The following TRMT112 variants were observed in gnomAD, a reference collection of about 807,000 sequenced individuals.
The protein encoded by TRMT112 is multifunctional methyltransferase subunit TRM112-like protein.
A neutral mutation model predicts 13.8 loss-of-function variants in TRMT112; 9 were observed. The ratio of observed to expected loss-of-function variants is 0.65; its 90% confidence interval spans 0.39 to 1.14. The LOEUF is 1.14. Among genes scored for constraint, TRMT112 ranks in the 50% most tolerant of loss-of-function variants. The probability of loss-of-function intolerance (pLI) is 0.01; values close to 1 mark genes in which losing one functional copy is unlikely to be tolerated. For synonymous variants in TRMT112, 64 were observed against 67.0 expected (o/e 0.96, Z 0.22); for missense variants, 196 against 165.5 (o/e 1.18, Z -1.01).
upstream of TRMT112, chr11:64,318,320 A>C: frequency 2.5e-6 from 4 of 1,612,590 alleles, no homozygotes; most frequent in Non-Finnish European, 3.4e-6. Flanking sequence ...GGTACAGTGA[A>C]GGAGAGTGGG....
intron 2 of TRMT112, 30 bp downstream of exon 2, chr11:64,317,234 G>A: frequency 1.2e-6 from 2 of 1,608,068 alleles, no homozygotes; most frequent in Non-Finnish European, 1.7e-6. Context: ...CATTCCCCGG[G>A]ATATGCTGGG....
rs1432653910 is a variant in TRMT112 at position 64,317,135 on chromosome 11, G to C, written c.193C>G (p.Gln65Glu). 10 of 1,614,150 alleles carry C rather than the reference G, an allele frequency of 6.2e-6. No homozygotes were observed. Among genetic ancestry groups the C allele is most frequent in the Non-Finnish European group, 8.5e-6 (10 of 1,180,030 alleles). ...LEAADNLRLIQVPKGPVEGYE... is the reference protein window; with the variant it reads ...LEAADNLRLIEVPKGPVEGYE... The stretch of plus-strand genomic sequence containing the variant: ...CCCTCAACCGGCCCTTTCGGCACCT[G>C]GATCAGACGCAACTGTGGGCAAGAG... Residue 65 changes from glutamine (Q) to glutamate (E), a missense_variant, in exon 3 of 4, where the codon CAG (glutamine) becomes GAG (glutamate). Coordinates refer to ENST00000544844, the MANE Select transcript of TRMT112 (RefSeq NM_016404.3).
At chr11:64,317,820 A>C (rs183123201), upstream of TRMT112, 10 of 815,600 alleles carry the variant, frequency 1.2e-5, no homozygotes, top group Admixed American at 7.2e-5. Context: ...GCAATGCAGG[A>C]GCTCTCGTTG....
upstream of TRMT112, chr11:64,318,225 G>C: frequency 1.2e-6 from 2 of 1,611,722 alleles, no homozygotes; most frequent in Middle Eastern, 4.5e-4. Flanking sequence ...TATGGGACTA[G>C]CTGGCGTGTG....
chr11:64,318,109 G>A, upstream of TRMT112: 5 of 1,512,490 alleles, frequency 3.3e-6, no homozygotes, highest in South Asian at 1.3e-5. Flanking sequence ...AGTGGAGGCG[G>A]CCCAGGCCCG....
upstream of TRMT112, chr11:64,318,278 C>T (rs2035369718): frequency 1.2e-6 from 2 of 1,612,442 alleles, no homozygotes; most frequent in South Asian, 1.1e-5. Context: ...TCGGTGGGGC[C>T]GGCGGTCAGT....
upstream of TRMT112, chr11:64,317,724 G>C: frequency 1.3e-6 from 1 of 748,008 alleles, no homozygotes; most frequent in South Asian, 2.1e-5. Context: ...TACCGGAAGC[G>C]TCTCAGCAGG....
At position 64,317,536 on chromosome 11, in the gene TRMT112, C is replaced by G. The variant is rs1429885248; in HGVS notation, c.-10G>C. 1.3e-6 allele frequency: 2 copies of G among 1,550,524 alleles called. No homozygotes were observed. Among genetic ancestry groups the G allele is most frequent in the African/African-American group, 1.4e-5 (1 of 73,814 alleles). Reference sequence around the variant, plus strand: ...GGGTAAGCAGTTTCATGTCGCCGCACAAACTCTCGCCAGGCCGGAACCGGA... The same window carrying G: ...GGGTAAGCAGTTTCATGTCGCCGCAGAAACTCTCGCCAGGCCGGAACCGGA... On this transcript the variant is annotated 5_prime_UTR_variant, in exon 1 of 4. Transcript: ENST00000544844.
upstream of TRMT112, chr11:64,317,925 T>C: frequency 7.3e-7 from 1 of 1,368,228 alleles, no homozygotes; most frequent in Non-Finnish European, 9.4e-7. Context: ...TACCGCCCTA[T>C]CTGTAAATTA....
In TRMT112 at chr11:64,316,786, C is replaced by T. The variant is rs2035283735; in HGVS notation, c.*75G>A. The T allele has an allele frequency of 8.3e-6, 8 of 962,810 alleles. No homozygotes were observed. The highest frequency in any genetic ancestry group is 3.2e-4 in the Middle Eastern group (1 of 3,166). 59.6% of individuals were successfully genotyped at this position (962,810 alleles called of 1,614,324 possible). ...TTGGGTCAAGGGTTGGGGATACACA[C>T]GGCAGAATTCGGAAACAGGGTATAG... On this transcript the variant is annotated 3_prime_UTR_variant, in exon 4 of 4. Coordinates refer to ENST00000544844, the MANE Select transcript of TRMT112 (RefSeq NM_016404.3).
chr11:64,316,746 C>CT lies in TRMT112; in HGVS notation c.*114dup, dbSNP rs1491547983. The CT allele has an allele frequency of 7.0e-6, 5 of 719,284 alleles. No individual in the cohort carries two copies. In the African/African-American group the frequency reaches 8.9e-5, roughly 13 times the overall value. The allele number at this position is 719,284 out of a possible 1,614,324, so 44.6% of individuals were successfully genotyped here. ...ATATATAATACCGAGCTCAAAAACACTGTGTTTGGTGTCATTGGGTCAAGG... is the reference window on the plus strand; with the variant it reads ...ATATATAATACCGAGCTCAAAAACACTTGTGTTTGGTGTCATTGGGTCAAGG... On this transcript the variant is annotated 3_prime_UTR_variant, in exon 4 of 4. Coordinates refer to ENST00000544844, the MANE Select transcript of TRMT112 (RefSeq NM_016404.3).
chr11:64,318,119 G>T (rs2035358272), upstream of TRMT112: 1 of 1,534,972 alleles, frequency 6.5e-7, no homozygotes, highest in African/African-American at 1.4e-5. Context: ...GCCCAGGCCC[G>T]CCTTCCGCAG....
upstream of TRMT112, chr11:64,318,050 G>C (rs2035354689): frequency 7.7e-6 from 11 of 1,435,192 alleles, no homozygotes; most frequent in Non-Finnish European, 1.0e-5. Flanking sequence ...TGCAAACGAG[G>C]CGTGGGTCCC....
At position 64,316,984 on chromosome 11, in the gene TRMT112, G is replaced by C; in HGVS notation, c.271-16C>G. 1.2e-6 allele frequency: 2 copies of C among 1,612,808 alleles called. No individual in the cohort carries two copies. Among genetic ancestry groups the C allele is most frequent in the Non-Finnish European group, 8.5e-7 (1 of 1,178,818 alleles). The stretch of plus-strand genomic sequence containing the variant: ...TCACTTCCACCTGCGGGCAGGGAGG[G>C]ACAGAGCTGAGCACTGGCAGCCTCA... On this transcript the variant is annotated splice_polypyrimidine_tract_variant and intron_variant, in intron 3 of 3. Coordinates refer to ENST00000544844, the MANE Select transcript of TRMT112 (RefSeq NM_016404.3).
upstream of TRMT112, chr11:64,318,040 T>C (rs1303533207): frequency 1.4e-6 from 2 of 1,433,332 alleles, no homozygotes; most frequent in Admixed American, 5.8e-5. Context: ...CAGCACCCAG[T>C]GCAAACGAGG....
At chr11:64,317,669 GGAGCT>G, upstream of TRMT112, 1 of 961,882 alleles carries the variant, frequency 1.0e-6, no homozygotes, top group African/African-American at 1.7e-5. Context: ...CGTGTTTGTG[GGAGCT>G]GAGGTAGGTA....
At chr11:64,317,800 C>G, upstream of TRMT112, 1 of 792,502 alleles carries the variant, frequency 1.3e-6, no homozygotes, top group Non-Finnish European at 1.9e-6. Flanking sequence ...AAATCATATG[C>G]AAAATAGCTG....
In TRMT112 at chr11:64,316,809, T is replaced by C. The variant is rs1193735211; in HGVS notation, c.*52A>G. On this transcript the variant is annotated 3_prime_UTR_variant, in exon 4 of 4. Transcript: ENST00000544844. ...CACGGCAGAATTCGGAAACAGGGTATAGATCAACAAAAATACACAGTCATA... is the reference window on the plus strand; with the variant it reads ...CACGGCAGAATTCGGAAACAGGGTACAGATCAACAAAAATACACAGTCATA... The C allele has an allele frequency of 7.1e-6, 9 of 1,259,632 alleles. No homozygotes were observed. Among genetic ancestry groups the C allele is most frequent in the Non-Finnish European group, 1.0e-5 (9 of 858,266 alleles). 78.0% of individuals were successfully genotyped at this position (1,259,632 alleles called of 1,614,324 possible).
rs192294864 is a variant in TRMT112 at position 64,316,832 on chromosome 11, A to G, written c.*29T>C. On this transcript the variant is annotated 3_prime_UTR_variant, in exon 4 of 4. Transcript: ENST00000544844. The stretch of plus-strand genomic sequence containing the variant: ...TATAGATCAACAAAAATACACAGTC[A>G]TAACAAGAAAAACTGGCGCCTGGCA... 1.6e-5 allele frequency: 23 copies of G among 1,459,630 alleles called. No individual in the cohort carries two copies. The South Asian group carries it at 2.6e-4, about 17-fold the overall frequency. 90.4% of individuals were successfully genotyped at this position (1,459,630 alleles called of 1,614,324 possible).
Sources: allele counts gnomAD v4.1 joint callset, GRCh38; gene constraint gnomAD v4.1.1; transcripts MANE v1.5; gene names NCBI Gene and HGNC (gene_info 2026-07-23, HGNC 2026-07-21).